CREBBP: variants seen among roughly 807,000 people sequenced by gnomAD.
CREBBP encodes the protein CREB binding lysine acetyltransferase.
In CREBBP, 19 loss-of-function variants were observed where a neutral mutation model predicts 265.0. The ratio of observed to expected loss-of-function variants is 0.07; its 90% confidence interval spans 0.05 to 0.11. The LOEUF is 0.11. Among genes scored for constraint, CREBBP ranks in the 10% least tolerant of loss-of-function variants. The pLI, the probability that CREBBP is intolerant of heterozygous loss-of-function variation, is 1.00. For synonymous variants in CREBBP, 1,457 were observed against 1,223.7 expected, an observed-to-expected ratio of 1.19 and a Z score of -3.98; for missense variants, 2,525 against 3,219.0, an observed-to-expected ratio of 0.78 and a Z score of 5.22.
chr16:3,852,169 T>G lies in CREBBP; in HGVS notation c.86-1160A>C, dbSNP rs538545379. 6.8e-4 allele frequency among the ~76,000 whole-genome samples: 77 copies of G among 112,680 alleles called. 1 individual carries two copies. In the Middle Eastern group the frequency reaches 0.026, roughly 38 times the overall value. 73.9% of individuals were successfully genotyped at this position (112,680 alleles called of 152,430 possible). On this transcript the variant is annotated intron_variant, in intron 1 of 30. Transcript: ENST00000262367. ...CAATCTTAAATTTGTTTTTTTTTTT[T>G]TTTTTTTTTTTTTGAGACAGAGTCT...
chr16:3,780,044 C>A (rs2053236922), intron 8 of CREBBP, among the ~76,000 whole-genome samples: 1 of 151,932 alleles, frequency 6.6e-6, no homozygotes, highest in Admixed American at 6.6e-5. Flanking sequence ...GAGTTTGAGA[C>A]CAGCCTGGCC....
intron 3 of CREBBP, among the ~76,000 whole-genome samples, chr16:3,805,750 TG>T (rs1353890377): frequency 6.6e-6 from 1 of 152,192 alleles, no homozygotes; most frequent in Admixed American, 6.5e-5. Flanking sequence ...CACTCCACAG[TG>T]GGACAGCTGG....
intron 1 of CREBBP, among the ~76,000 whole-genome samples, chr16:3,868,720 A>T (rs1479545608): frequency 6.6e-6 from 1 of 152,108 alleles, no homozygotes; most frequent in South Asian, 2.1e-4. Flanking sequence ...CCAGTCAGAC[A>T]TCGAGCTGAG....
At chr16:3,740,727 T>C (rs1041117434) in intron 23 of CREBBP, 178 bp from the exon 24 acceptor site, 2 of 792,016 alleles carry the variant, frequency 2.5e-6, no homozygotes, top group Non-Finnish European at 4.2e-6. Context: ...AAAGGAAAGG[T>C]GGACTCTGGG....
chr16:3,813,129 G>C (rs892385541), intron 2 of CREBBP: 4 of 230,566 alleles, frequency 1.7e-5, no homozygotes, highest in African/African-American at 8.9e-5. Context: ...TGCCTGTACA[G>C]AAACACAAAT....
intron 19 of CREBBP, among the ~76,000 whole-genome samples, chr16:3,754,492 G>C (rs2052544223): frequency 6.6e-6 from 1 of 152,008 alleles, no homozygotes. Context: ...AATTGCAAAG[G>C]AGAAATACTT....
At chr16:3,872,662 A>G (rs2055325093) in intron 1 of CREBBP, among the ~76,000 whole-genome samples, 1 of 152,266 alleles carries the variant, frequency 6.6e-6, no homozygotes, top group South Asian at 2.1e-4. Flanking sequence ...GCTAAAAAGC[A>G]GACGGCACGG....
At chr16:3,749,498 C>T (rs2052424823) in intron 21 of CREBBP, 129 bp downstream of exon 21, 2 of 661,240 alleles carry the variant, frequency 3.0e-6, no homozygotes, top group East Asian at 5.5e-5. Context: ...TAAAAGATAA[C>T]CTCACACCAG....
rs369081129 is a variant in CREBBP at position 3,850,577 on chromosome 16, G to A, written c.518C>T (p.Pro173Leu). 2 of 1,614,122 alleles carry A rather than the reference G, an allele frequency of 1.2e-6. No homozygotes were observed. The highest frequency in any genetic ancestry group is 1.3e-5 in the African/African-American group (1 of 74,950). Residue 173 changes from proline to leucine, a missense_variant, in exon 2 of 31, where the codon CCT (proline) becomes CTT (leucine). Pro to Leu is a moderately conservative substitution (Grantham distance 98). This residue lies in a region of CREBBP where 356 missense variants were observed against 340.4 expected (regional missense o/e 1.05). Coordinates refer to ENST00000262367, the MANE Select transcript of CREBBP (RefSeq NM_004380.3). The stretch of plus-strand genomic sequence containing the variant: ...AAAGTTAGCATTCATGCAGATACCA[G>A]GTCCAGTCTGTGACGTGGCAGGGCT... The part of the protein sequence containing the change: ...TSSPATSQTG[P>L]GICMNANFNQ...
rs1457581318 is a variant in CREBBP, at chr16:3,761,483, T to C, written c.3251-2511A>G. 8 of 508,742 alleles carry C rather than the reference T, an allele frequency of 1.6e-5. No homozygotes were observed. In the East Asian group the frequency reaches 2.7e-4, roughly 17 times the overall value. 31.5% of individuals were successfully genotyped at this position (508,742 alleles called of 1,614,324 possible). ...GTTAAAAGTTGGAAGGAAAAACCCA[T>C]GTGTTTAACAGGCTCACTTTAGAGA... is the stretch of plus-strand genomic sequence containing the variant. On this transcript the variant is annotated intron_variant, in intron 16 of 30. Transcript: ENST00000262367.
At chr16:3,755,847 G>A (rs1231862888) in intron 19 of CREBBP, among the ~76,000 whole-genome samples, 1 of 152,132 alleles carries the variant, frequency 6.6e-6, no homozygotes, top group African/African-American at 2.4e-5. Flanking sequence ...GCAGTTTAGG[G>A]TCTGTCCTTC....
intron 23 of CREBBP, chr16:3,743,822 T>C (rs972539801): frequency 7.9e-5 from 12 of 152,114 alleles, no homozygotes; most frequent in Non-Finnish European, 1.6e-4. Flanking sequence ...CTAATGGCTG[T>C]AATCCCAGCA....
At chr16:3,733,066 A>G (rs2051959259) in intron 28 of CREBBP, among the ~76,000 whole-genome samples, 1 of 152,074 alleles carries the variant, frequency 6.6e-6, no homozygotes, top group South Asian at 2.1e-4. Flanking sequence ...CAGTCCAGAG[A>G]GAATTCAACA....
intron 1 of CREBBP, among the ~76,000 whole-genome samples, chr16:3,859,826 G>A (rs751442721): frequency 1.3e-5 from 2 of 152,256 alleles, no homozygotes; most frequent in South Asian, 2.1e-4. Context: ...CCTCTCACAC[G>A]CCTTGCCCTA....
rs1218738162 is a variant in CREBBP, at chr16:3,736,832, C to T, written c.4395-17G>A. On this transcript the variant is annotated splice_polypyrimidine_tract_variant and intron_variant, in intron 26 of 30. Transcript: ENST00000262367. Reference sequence around the variant, plus strand: ...GTCACATACCTGCAGGACCCACGCACACACGTCAGATGAACGTGCCAGTGA... The same window carrying T: ...GTCACATACCTGCAGGACCCACGCATACACGTCAGATGAACGTGCCAGTGA... 8 of 1,613,960 alleles carry T rather than the reference C, an allele frequency of 5.0e-6. No individual in the cohort carries two copies. Among genetic ancestry groups the T allele is most frequent in the Non-Finnish European group, 6.8e-6 (8 of 1,180,040 alleles).
intron 3 of CREBBP, among the ~76,000 whole-genome samples, chr16:3,797,329 TCTTTA>T (rs1402591327): frequency 5.3e-5 from 8 of 152,200 alleles, no homozygotes; most frequent in Admixed American, 3.9e-4. Flanking sequence ...AAAGCTAATT[TCTTTA>T]CTTAAGTCCA....
In CREBBP at chr16:3,810,593, G is replaced by A; in HGVS notation, c.975+10C>T. 1 of 1,613,342 alleles carries A rather than the reference G, an allele frequency of 6.2e-7. No individual in the cohort carries two copies. On this transcript the variant is annotated intron_variant, in intron 3 of 30. Transcript: ENST00000262367. Reference sequence around the variant, plus strand: ...GAGAGCCATAACACTGAGGGCCAAGGGTAACTTACCATATTTGGCACGTTG... The same window carrying A: ...GAGAGCCATAACACTGAGGGCCAAGAGTAACTTACCATATTTGGCACGTTG...
chr16:3,736,744 G>A lies in CREBBP; in HGVS notation c.4466C>T (p.Pro1489Leu), dbSNP rs2151329710. Residue 1489 changes from proline to leucine, a missense_variant, in exon 27 of 31, where the codon CCT becomes CTT. Coordinates refer to ENST00000262367, the MANE Select transcript of CREBBP (RefSeq NM_004380.3). ...TTTTGGCTTGGGTATTTTTTGATCA[G>A]GTGGGTGGCAATGGAAGATGTAATC... ...GDDYIFHCHPPDQKIPKPKRL... is the reference protein window; with the variant it reads ...GDDYIFHCHPLDQKIPKPKRL... The A allele has an allele frequency of 1.2e-6, 2 of 1,614,064 alleles. No homozygotes were observed. The highest frequency in any genetic ancestry group is 1.7e-6 in the Non-Finnish European group (2 of 1,180,012).
At chr16:3,765,347 C>T (rs550835037) in intron 16 of CREBBP, among the ~76,000 whole-genome samples, 34 of 152,168 alleles carry the variant, frequency 2.2e-4, no homozygotes, top group Non-Finnish European at 3.8e-4. Context: ...AAAAGATGTG[C>T]GCTGCATAGG....
Sources: allele counts gnomAD v4.1 joint callset (sites outside exome capture counted in the v4.1 genomes callset), GRCh38; gene constraint gnomAD v4.1.1; regional missense constraint gnomAD v4.1.1; transcripts MANE v1.5; gene names NCBI Gene and HGNC (gene_info 2026-07-23, HGNC 2026-07-21).